The following PLCL1 variants were observed in gnomAD, a reference collection of about 807,000 sequenced individuals.
The protein encoded by PLCL1 is inactive phospholipase C-like protein 1.
Under a neutral mutation model 84.4 loss-of-function variants are expected in PLCL1, and 41 were observed. That is an observed-to-expected ratio of 0.49 (90% confidence interval 0.38 to 0.63). The LOEUF (loss-of-function observed/expected upper bound fraction) is 0.63, where lower values mean the gene tolerates loss of function less well. PLCL1 is among the 30% of genes least tolerant of loss of function. The probability of loss-of-function intolerance (pLI) is 0.00; values close to 1 mark genes in which losing one functional copy is unlikely to be tolerated. For missense variants in PLCL1, 1,206 were observed against 1,367.8 expected (o/e 0.88, Z 1.87); for synonymous variants, 490 against 488.3 (o/e 1.00, Z -0.05).
chr2:197,892,870 C>T (rs1688056800), intron 1 of PLCL1, among the ~76,000 whole-genome samples: 1 of 152,104 alleles, frequency 6.6e-6, no homozygotes, highest in Non-Finnish European at 1.5e-5. Flanking sequence ...TGGCACGCGC[C>T]TGTAGTCCCA....
Position 197,836,369 on chromosome 2 carries a change from C to A in PLCL1, c.240+31030C>A, listed in dbSNP as rs770663. On this transcript the variant is annotated intron_variant, in intron 1 of 5. Transcript: ENST00000428675. ...GGCTGAGGCAGGAGAATGGCGTGAACCCGGGAGGCGGAGCTTGCAGTGAGC... is the reference window on the plus strand; with the variant it reads ...GGCTGAGGCAGGAGAATGGCGTGAAACCGGGAGGCGGAGCTTGCAGTGAGC... Among the ~76,000 whole-genome samples, 1,225 of 146,760 alleles carry A rather than the reference C, an allele frequency of 8.3e-3. 19 individuals are homozygous for A. The highest frequency in any genetic ancestry group is 0.029 in the African/African-American group (1,141 of 39,412).
At chr2:197,889,924 G>C (rs916266153) in intron 1 of PLCL1, among the ~76,000 whole-genome samples, 1 of 152,126 alleles carries the variant, frequency 6.6e-6, no homozygotes, top group Non-Finnish European at 1.5e-5. Context: ...AAAAAGACTA[G>C]AGATATCCCT....
In PLCL1 at chr2:198,079,910, A is replaced by C. The variant is rs911052765; in HGVS notation, c.241-3848A>C. 3.3e-5 allele frequency among the ~76,000 whole-genome samples: 5 copies of C among 152,346 alleles called. No homozygotes were observed. In the East Asian group the frequency reaches 9.6e-4, roughly 29 times the overall value. ...TTAGGGGACAGAGGCATGACAATGC[A>C]CTATTTATCTTAATAAATTTAAAGC... On this transcript the variant is annotated intron_variant, in intron 1 of 5. Transcript: ENST00000428675.
At chr2:198,073,286 A>G (rs1692504040) in intron 1 of PLCL1, among the ~76,000 whole-genome samples, 1 of 152,154 alleles carries the variant, frequency 6.6e-6, no homozygotes, top group Non-Finnish European at 1.5e-5. Context: ...TTCACTGGGT[A>G]TGAATGGGGG....
chr2:198,010,057 T>G (rs1317103581), intron 1 of PLCL1, among the ~76,000 whole-genome samples: 7 of 152,030 alleles, frequency 4.6e-5, no homozygotes, highest in Admixed American at 3.9e-4. Context: ...CTAAATTCAT[T>G]TATTAGTTCT....
At chr2:197,980,082 G>A (rs1325611275) in intron 1 of PLCL1, among the ~76,000 whole-genome samples, 1 of 152,192 alleles carries the variant, frequency 6.6e-6, no homozygotes, top group Non-Finnish European at 1.5e-5. Context: ...ACAAACTCGA[G>A]GAGTTAGTGC....
chr2:197,977,323 G>A (rs1250677534), intron 1 of PLCL1, among the ~76,000 whole-genome samples: 1 of 151,390 alleles, frequency 6.6e-6, no homozygotes, highest in Non-Finnish European at 1.5e-5. Context: ...GACAGCTTCA[G>A]TCTCTAGCTA....
rs1193625880 is a variant in PLCL1, at chr2:197,804,821, CCTT to C, written c.-276_-274del. On this transcript the variant is annotated 5_prime_UTR_variant, in exon 1 of 6. Transcript: ENST00000428675. ...ATACCTCCCTCTCTTTTTCGCCTCT[CCTT>C]CTGCCTCCCGCTCACATCGCCTCCC... 16 of 368,246 alleles carry C rather than the reference CCTT, an allele frequency of 4.3e-5. No homozygotes were observed. The highest frequency in any genetic ancestry group is 7.3e-5 in the Non-Finnish European group (15 of 205,286). The allele number at this position is 368,246 out of a possible 1,614,324, so 22.8% of individuals were successfully genotyped here.
At chr2:197,824,684 A>G (rs1328323332) in intron 1 of PLCL1, among the ~76,000 whole-genome samples, 1 of 148,700 alleles carries the variant, frequency 6.7e-6, no homozygotes, top group Non-Finnish European at 1.5e-5. Flanking sequence ...ACTGCACTCC[A>G]GCCCGGGCAA....
At chr2:197,885,263 G>T (rs529646170) in intron 1 of PLCL1, among the ~76,000 whole-genome samples, 1 of 152,130 alleles carries the variant, frequency 6.6e-6, no homozygotes, top group African/African-American at 2.4e-5. Context: ...AGACCACAAT[G>T]TGCCATCTAC....
At chr2:197,953,327 T>C (rs1689424132) in intron 1 of PLCL1, among the ~76,000 whole-genome samples, 1 of 152,072 alleles carries the variant, frequency 6.6e-6, no homozygotes, top group East Asian at 1.9e-4. Flanking sequence ...ATGAGTTACC[T>C]TCTTACCTGC....
chr2:198,058,096 T>C (rs1339323321), intron 1 of PLCL1, among the ~76,000 whole-genome samples: 1 of 152,172 alleles, frequency 6.6e-6, no homozygotes, highest in Non-Finnish European at 1.5e-5. Context: ...ACTGCAGATA[T>C]AGTATGATGG....
At chr2:198,027,189 A>T (rs1036119003) in intron 1 of PLCL1, among the ~76,000 whole-genome samples, 2 of 152,200 alleles carry the variant, frequency 1.3e-5, no homozygotes, top group Non-Finnish European at 2.9e-5. Context: ...ATAAAAAGGA[A>T]ATCATGTCAT....
intron 1 of PLCL1, among the ~76,000 whole-genome samples, chr2:197,844,070 T>C (rs1687070266): frequency 6.6e-6 from 1 of 152,174 alleles, no homozygotes; most frequent in Admixed American, 6.6e-5. Context: ...AAGTAACTTT[T>C]CATTAGGAAG....
At chr2:197,932,393 G>A (rs1322703617) in intron 1 of PLCL1, among the ~76,000 whole-genome samples, 2 of 152,008 alleles carry the variant, frequency 1.3e-5, no homozygotes, top group African/African-American at 2.4e-5. Context: ...TCTGGGACAC[G>A]TGCAGGACGT....
chr2:197,959,216 A>G (rs939730251), intron 1 of PLCL1, among the ~76,000 whole-genome samples: 34 of 152,056 alleles, frequency 2.2e-4, no homozygotes, highest in African/African-American at 7.7e-4. Context: ...GCTCATGATT[A>G]TGGATGTTGG....
rs1044320279 is a variant in PLCL1 at position 198,148,086 on chromosome 2, G to A, written c.*1124G>A. 1.3e-5 allele frequency: 2 copies of A among 151,906 alleles called. No individual in the cohort carries two copies. The highest frequency in any genetic ancestry group is 4.8e-5 in the African/African-American group (2 of 41,282). The allele number at this position is 151,906 out of a possible 1,614,324, so 9.4% of individuals were successfully genotyped here. A position where few individuals can be genotyped will look rare whatever the true frequency, so the allele number is the denominator to read the frequency against. ...CATGCAAAAAGAAATGACTAATTAG[G>A]GTACATTTATAATTGCATCTAGGTA... On this transcript the variant is annotated 3_prime_UTR_variant, in exon 6 of 6. Coordinates refer to ENST00000428675, the MANE Select transcript of PLCL1 (RefSeq NM_006226.4).
chr2:197,908,811 AT>A (rs1688431812), intron 1 of PLCL1, among the ~76,000 whole-genome samples: 1 of 152,196 alleles, frequency 6.6e-6, no homozygotes, highest in South Asian at 2.1e-4. Context: ...ACTCCATTAT[AT>A]ATTTTTAAAA....
rs952717931 is a variant in PLCL1, at chr2:198,084,849, C to A, written c.1332C>A (p.Leu444=). ...AAATGGGCTGTCGAAGCGTTGAACT[C>A]GATGTAAGTGATGGTTCAGATAATG... ...ALKMGCRSVE[L]DVSDGSDNEP... Residue 444 remains leucine, a synonymous_variant, in exon 2 of 6, where the codon CTC becomes CTA. Transcript: ENST00000428675. 1.2e-6 allele frequency: 2 copies of A among 1,613,884 alleles called. No homozygotes were observed. Among genetic ancestry groups the A allele is most frequent in the Non-Finnish European group, 1.7e-6 (2 of 1,179,902 alleles).
Sources: gnomAD v4.1 joint callset for allele counts (sites outside exome capture counted in the v4.1 genomes callset) on GRCh38, gnomAD v4.1.1 for gene constraint, MANE v1.5 for transcripts, NCBI Gene and HGNC (gene_info 2026-07-23, HGNC 2026-07-21) for gene names.